FBXO9: variants seen among roughly 807,000 people sequenced by gnomAD.
FBXO9 encodes the protein F-box only protein 9.
A neutral mutation model predicts 63.7 loss-of-function variants in FBXO9; 43 were observed. That is an observed-to-expected ratio of 0.67 (90% CI 0.53 to 0.87). The LOEUF (loss-of-function observed/expected upper bound fraction) is 0.87. FBXO9 is among the 40% of genes least tolerant of loss of function. FBXO9 has a pLI of 0.00. For synonymous variants in FBXO9, 156 were observed against 171.7 expected, an observed-to-expected ratio of 0.91 and a Z score of 0.72; for missense variants, 442 against 533.2, an observed-to-expected ratio of 0.83 and a Z score of 1.68.
intron 7 of FBXO9, chr6:53,090,915 C>G (rs1019050194): frequency 3.3e-5 from 5 of 152,038 alleles, no homozygotes; most frequent in South Asian, 4.1e-4. Flanking sequence ...CAGGGTCTTG[C>G]TATATTGCCC....
intron 5 of FBXO9, among the ~76,000 whole-genome samples, 195 bp downstream of exon 5, chr6:53,079,093 T>TA (rs1477533599): frequency 6.6e-6 from 1 of 151,420 alleles, no homozygotes; most frequent in Non-Finnish European, 1.5e-5. Context: ...TTTAAACAGA[T>TA]ACAAAAATAA....
At chr6:53,097,689 T>A (rs758066480) in intron 12 of FBXO9, 33 bp from the exon 13 acceptor site, 2 of 1,282,998 alleles carry the variant, frequency 1.6e-6, no homozygotes, top group South Asian at 1.3e-5. Context: ...TGAAATTTCC[T>A]CATACTAGTA....
At chr6:53,079,293 G>T (rs1206420084) in intron 5 of FBXO9, among the ~76,000 whole-genome samples, 1 of 152,096 alleles carries the variant, frequency 6.6e-6, no homozygotes, top group Non-Finnish European at 1.5e-5. Flanking sequence ...GGGTACATGG[G>T]AGTTTATTAC....
intron 7 of FBXO9, among the ~76,000 whole-genome samples, chr6:53,084,087 C>T (rs751842952): frequency 2.6e-5 from 4 of 152,160 alleles, no homozygotes; most frequent in Non-Finnish European, 5.9e-5. Flanking sequence ...GCTGGGCCAG[C>T]GTTATTGTTA....
At chr6:53,080,432 C>T (rs1000095883) in intron 5 of FBXO9, among the ~76,000 whole-genome samples, 1 of 151,908 alleles carries the variant, frequency 6.6e-6, no homozygotes, top group Non-Finnish European at 1.5e-5. Context: ...ATAGAAAGCT[C>T]ATTTTTCTAG....
chr6:53,065,886 CTG>C, intron 1 of FBXO9, 94 bp downstream of exon 1: 1 of 1,236,580 alleles, frequency 8.1e-7, no homozygotes, highest in Non-Finnish European at 1.0e-6. Context: ...GGCGGGGACT[CTG>C]GGGAGGAGTG....
intron 7 of FBXO9, among the ~76,000 whole-genome samples, chr6:53,090,446 C>T (rs549008894): frequency 1.3e-5 from 2 of 152,260 alleles, no homozygotes; most frequent in African/African-American, 4.8e-5. Flanking sequence ...TGATCACAAC[C>T]AGTTACAGAT....
At chr6:53,076,418 T>C (rs2127490467) in intron 3 of FBXO9, 68 bp from the exon 4 acceptor site, 1 of 961,682 alleles carries the variant, frequency 1.0e-6, no homozygotes, top group South Asian at 1.6e-5. Flanking sequence ...TTAAAAAGGC[T>C]CTCCTTCTGC....
chr6:53,070,831 G>A, intron 1 of FBXO9: 2 of 531,448 alleles, frequency 3.8e-6, no homozygotes, highest in Non-Finnish European at 6.4e-6. Context: ...TCACAATAAC[G>A]TGAGTACTGT....
intron 3 of FBXO9, 31 bp downstream of exon 3, chr6:53,073,670 ATT>A (rs5876299): frequency 0.11 from 100,559 of 936,898 alleles, 8 homozygotes; most frequent in South Asian, 0.19. Context: ...AACAAATTAC[ATT>A]TTTTTTTTTT....
At chr6:53,096,907 A>G (rs993314353) in intron 12 of FBXO9, among the ~76,000 whole-genome samples, 14 of 152,186 alleles carry the variant, frequency 9.2e-5, no homozygotes, top group Non-Finnish European at 1.8e-4. Context: ...CCTTGTATCA[A>G]AAAGAAAAAA....
Position 53,082,793 on chromosome 6 carries a change from G to C in FBXO9, c.653+175G>C, listed in dbSNP as rs1247827176. Among the ~76,000 whole-genome samples, 6 of 152,190 alleles carry C rather than the reference G, an allele frequency of 3.9e-5. No individual in the cohort carries two copies. In the East Asian group the frequency reaches 7.7e-4, roughly 19 times the overall value. ...CAAATAACTTAGAATTTAAAGGCTA[G>C]AATATGCTAGGTTTCTAGGGTATAG... On this transcript the variant is annotated intron_variant, in intron 7 of 12. Coordinates refer to ENST00000323557, the MANE Select transcript of FBXO9 (RefSeq NM_033480.3).
At chr6:53,089,134 G>C (rs1288239263) in intron 7 of FBXO9, among the ~76,000 whole-genome samples, 1 of 151,712 alleles carries the variant, frequency 6.6e-6, no homozygotes, top group African/African-American at 2.4e-5. Flanking sequence ...AGGTGCAGTG[G>C]TGCCATCTTG....
In FBXO9 at chr6:53,092,514, A is replaced by T. The variant is rs1331890872; in HGVS notation, c.739A>T (p.Met247Leu). The change falls in exon 8 of 13, where the codon ATG (methionine) becomes TTG (leucine). Residue 247 changes from methionine to leucine, a missense_variant. Transcript: ENST00000323557. ...TGTTCCGTACACGTCCTGGAGAGAG[A>T]TGTTTTTAGAACGGCCTCGTGTTCG... ...KLVPYTSWRE[M>L]FLERPRVRFD... The T allele has an allele frequency of 6.2e-7, 1 of 1,613,896 alleles. No homozygotes were observed. The highest frequency in any genetic ancestry group is 8.5e-7 in the Non-Finnish European group (1 of 1,179,866).
In FBXO9 at chr6:53,082,492, T is replaced by C. The variant is rs2127494210; in HGVS notation, c.539-12T>C. On this transcript the variant is annotated splice_polypyrimidine_tract_variant and intron_variant, in intron 6 of 12. Coordinates refer to ENST00000323557, the MANE Select transcript of FBXO9 (RefSeq NM_033480.3). Reference sequence around the variant, plus strand: ...TAGAGGAGAGTCACTGAAGGATGATTTTCTTTTGCAGTGCTGCCAATGGAG... The same window carrying C: ...TAGAGGAGAGTCACTGAAGGATGATCTTCTTTTGCAGTGCTGCCAATGGAG... 6.3e-7 allele frequency: 1 copy of C among 1,589,108 alleles called. No homozygotes were observed. The highest frequency in any genetic ancestry group is 1.1e-5 in the South Asian group (1 of 89,858).
At position 53,065,442 on chromosome 6, in the gene FBXO9, G is replaced by T. The variant is rs1768654914; in HGVS notation, c.-348G>T. ...CGGCGCAGGTTTCCGCAGCTGAGGG[G>T]GCAGCTCCGCGGCGGCGTCCGGGGT... On this transcript the variant is annotated 5_prime_UTR_variant, in exon 1 of 13. Transcript: ENST00000323557. 7.5e-6 allele frequency: 2 copies of T among 265,220 alleles called. No homozygotes were observed. Among genetic ancestry groups the T allele is most frequent in the Non-Finnish European group, 1.4e-5 (2 of 141,178 alleles). The allele number at this position is 265,220 out of a possible 1,614,324, so 16.4% of individuals were successfully genotyped here.
At chr6:53,093,656 T>C in intron 10 of FBXO9, 95 bp downstream of exon 10, 1 of 967,262 alleles carries the variant, frequency 1.0e-6, no homozygotes, top group South Asian at 1.6e-5. Flanking sequence ...CACTTAATAC[T>C]GGATGATTTT....
intron 7 of FBXO9, among the ~76,000 whole-genome samples, chr6:53,088,842 C>T (rs1233287668): frequency 1.3e-5 from 2 of 151,998 alleles, no homozygotes; most frequent in South Asian, 2.1e-4. Flanking sequence ...GCAGGTGATC[C>T]GCCCACCTCA....
intron 7 of FBXO9, chr6:53,091,862 CAG>C (rs1763049021): frequency 6.5e-6 from 1 of 154,206 alleles, no homozygotes; most frequent in African/African-American, 2.4e-5. Flanking sequence ...CATAAACCAC[CAG>C]AGTGATCTTT....
Sources: allele counts gnomAD v4.1 joint callset (sites outside exome capture counted in the v4.1 genomes callset), GRCh38; gene constraint gnomAD v4.1.1; transcripts MANE v1.5; gene names NCBI Gene and HGNC (gene_info 2026-07-23, HGNC 2026-07-21).